The following KDELR3 variants were observed in gnomAD, a reference collection of about 807,000 sequenced individuals.
KDELR3 encodes KDEL endoplasmic reticulum protein retention receptor 3, also known as ER lumen protein-retaining receptor 3.
KDELR3 carries 26 observed loss-of-function variants against 22.7 expected under a neutral mutation model. The observed-to-expected ratio is 1.15, with a 90% CI of 0.84 to 1.59. KDELR3 has a LOEUF of 1.59. Ranked by LOEUF, KDELR3 falls within the 40% of genes most tolerant of loss-of-function variation. KDELR3 has a pLI of 0.00. For missense variants in KDELR3, 289 were observed against 251.1 expected, an observed-to-expected ratio of 1.15 and a Z score of -1.02; for synonymous variants, 120 against 98.2, an observed-to-expected ratio of 1.22 and a Z score of -1.31.
chr22:38,482,047 G>A (rs868045017), intron 4 of KDELR3, among the ~76,000 whole-genome samples: 7 of 152,228 alleles, frequency 4.6e-5, no homozygotes, highest in Admixed American at 6.5e-5. Flanking sequence ...GCCAGGGTAA[G>A]GGGCTTGCAC....
In KDELR3 at chr22:38,474,579, G is replaced by A; in HGVS notation, c.148G>A (p.Asp50Asn). The change falls in exon 2 of 5, where the codon GAC (aspartate) becomes AAC (asparagine). Residue 50 changes from aspartate to asparagine, a missense_variant. Asp to Asn is a conservative substitution (Grantham distance 23, BLOSUM62 1). Transcript: ENST00000216014. ...FALVFTTRYL[D>N]LFTNFISIYN... ...TCTCGTCTTCACCACCAGGTACCTG[G>A]ACCTGTTCACCAACTTCATCTCCAT... is the stretch of plus-strand genomic sequence containing the variant. 1 of 1,614,004 alleles carries A rather than the reference G, an allele frequency of 6.2e-7. No individual in the cohort carries two copies.
chr22:38,473,526 T>C (rs528143046), intron 1 of KDELR3, among the ~76,000 whole-genome samples: 1 of 152,360 alleles, frequency 6.6e-6, no homozygotes, highest in African/African-American at 2.4e-5. Context: ...GTGCATCATA[T>C]GTGTACACAT....
intron 2 of KDELR3, among the ~76,000 whole-genome samples, 176 bp downstream of exon 2, chr22:38,474,799 G>C (rs769640257): frequency 2.6e-5 from 4 of 151,968 alleles, no homozygotes; most frequent in Non-Finnish European, 4.4e-5. Context: ...GTGTCCTCGT[G>C]CAAAAATGAG....
intron 1 of KDELR3, among the ~76,000 whole-genome samples, chr22:38,471,349 G>T (rs907832778): frequency 4.6e-5 from 7 of 152,188 alleles, no homozygotes; most frequent in Admixed American, 3.9e-4. Flanking sequence ...CTCTGTCAAA[G>T]TCTGTGTGAG....
intron 1 of KDELR3, among the ~76,000 whole-genome samples, chr22:38,472,915 G>A (rs1312018817): frequency 1.3e-5 from 2 of 151,918 alleles, no homozygotes; most frequent in Admixed American, 6.6e-5. Context: ...GGTCAGGCTT[G>A]GTCTCAAACT....
chr22:38,468,326 T>G lies in KDELR3; in HGVS notation c.91+2T>G, dbSNP rs1602654939. ...TCTGGAGGTCCAAGTGCTGCAAGGG[T>G]GAGGGGCGCCTGGCAGGGAGGTGCG... is the stretch of plus-strand genomic sequence containing the variant. On this transcript the variant is annotated splice_donor_variant, in intron 1 of 4. Coordinates refer to ENST00000216014, the MANE Select transcript of KDELR3 (RefSeq NM_006855.4). LOFTEE classifies it high-confidence loss of function. The G allele has an allele frequency of 6.2e-7, 1 of 1,613,080 alleles. No individual in the cohort carries two copies.
At position 38,481,379 on chromosome 22, in the gene KDELR3, G is replaced by A. The variant is rs779385767; in HGVS notation, c.519G>A (p.Glu173=). ...ACTGGATCAGGCGGTACCAGACTGA[G>A]AATTTCTATGACCAAATTGCAGTCG... ...LANWIRRYQT[E]NFYDQIAVVS... is the part of the protein sequence containing the mutation. The change falls in exon 4 of 5, where the codon GAG becomes GAA. Residue 173 remains glutamate, a synonymous_variant. Coordinates refer to ENST00000216014, the MANE Select transcript of KDELR3 (RefSeq NM_006855.4). The A allele has an allele frequency of 1.2e-6, 2 of 1,614,198 alleles. No homozygotes were observed. Among genetic ancestry groups the A allele is most frequent in the Non-Finnish European group, 1.7e-6 (2 of 1,180,038 alleles).
At chr22:38,479,236 A>G (rs1285045865) in intron 2 of KDELR3, among the ~76,000 whole-genome samples, 1 of 152,208 alleles carries the variant, frequency 6.6e-6, no homozygotes, top group East Asian at 1.9e-4. Flanking sequence ...TCACTGATGC[A>G]TATCCAGGAA....
At chr22:38,476,784 A>G (rs2089562036) in intron 2 of KDELR3, among the ~76,000 whole-genome samples, 1 of 149,670 alleles carries the variant, frequency 6.7e-6, no homozygotes, top group Admixed American at 6.6e-5. Flanking sequence ...TTGGCCCCCC[A>G]AAGTGTTGGA....
chr22:38,474,692 G>A (rs1284970644), intron 2 of KDELR3, 69 bp downstream of exon 2: 3 of 1,328,106 alleles, frequency 2.3e-6, no homozygotes, highest in Non-Finnish European at 3.2e-6. Flanking sequence ...TAGCCTGCTT[G>A]GAAACTCATT....
In KDELR3 at chr22:38,481,243, C is replaced by CA; in HGVS notation, c.384dup (p.Val129SerfsTer17). 3.1e-6 allele frequency: 5 copies of CA among 1,614,146 alleles called. No individual in the cohort carries two copies. The highest frequency in any genetic ancestry group is 4.2e-6 in the Non-Finnish European group (5 of 1,180,018). On this transcript the variant is annotated frameshift_variant, in exon 4 of 5. Transcript: ENST00000216014. LOFTEE classifies it high-confidence loss of function. ...TGGACTTTCTCTATCTATCTGGAAT[C>CA]AGTGGCTATCCTGCCCCAGCTCTTC...
chr22:38,478,629 A>ATTTGTTTTTTTTTTT (rs2089576808), intron 2 of KDELR3, among the ~76,000 whole-genome samples: 1 of 43,560 alleles, frequency 2.3e-5, no homozygotes, highest in Non-Finnish European at 3.8e-5. Flanking sequence ...AGCATCTGTG[A>ATTTGTTTTTTTTTTT]TTTTTTTTTT....
intron 3 of KDELR3, among the ~76,000 whole-genome samples, chr22:38,480,147 T>A (rs2089589165): frequency 6.6e-6 from 1 of 152,102 alleles, no homozygotes; most frequent in South Asian, 2.1e-4. Context: ...ATGACTAATT[T>A]TTTATTATTT....
chr22:38,481,287 G>A lies in KDELR3; in HGVS notation c.427G>A (p.Glu143Lys), dbSNP rs1247754686. ...GCTCTTCATGATCAGCAAGACTGGA[G>A]AGGCTGAGACCATAACTACTCACTA... Reference protein sequence around the residue: ...PQLFMISKTGEAETITTHYLF... With the variant: ...PQLFMISKTGKAETITTHYLF... Residue 143 changes from glutamate (E) to lysine (K), a missense_variant, in exon 4 of 5, where the codon GAG becomes AAG. Transcript: ENST00000216014. The A allele has an allele frequency of 1.2e-6, 2 of 1,614,202 alleles. No individual in the cohort carries two copies. The highest frequency in any genetic ancestry group is 1.1e-5 in the South Asian group (1 of 91,080).
At chr22:38,472,384 G>A (rs2089530611) in intron 1 of KDELR3, among the ~76,000 whole-genome samples, 1 of 151,998 alleles carries the variant, frequency 6.6e-6, no homozygotes, top group Non-Finnish European at 1.5e-5. Flanking sequence ...GGCTGAGGCA[G>A]GAGAATGACT....
At chr22:38,478,628 G>GTTTT (rs1569133063) in intron 2 of KDELR3, among the ~76,000 whole-genome samples, 1 of 24,142 alleles carries the variant, frequency 4.1e-5, no homozygotes, top group African/African-American at 1.3e-4. Flanking sequence ...CAGCATCTGT[G>GTTTT]ATTTTTTTTT....
intron 1 of KDELR3, among the ~76,000 whole-genome samples, chr22:38,469,922 C>T (rs2089514278): frequency 6.6e-6 from 1 of 152,100 alleles, no homozygotes; most frequent in Non-Finnish European, 1.5e-5. Flanking sequence ...CAGGTTCAAG[C>T]GATTCTCCTG....
chr22:38,476,893 G>GC (rs138427), intron 2 of KDELR3, among the ~76,000 whole-genome samples: 147,171 of 147,198 alleles, frequency 1, 73,572 homozygotes, highest in Middle Eastern at 1. Context: ...TGCAGTCTCT[G>GC]CTCCCGGGTT....
chr22:38,472,762 C>T (rs372569659), intron 1 of KDELR3, among the ~76,000 whole-genome samples: 108 of 152,202 alleles, frequency 7.1e-4, no homozygotes, highest in African/African-American at 2.5e-3. Flanking sequence ...TGCAATGGCA[C>T]GATCTCGGCT....
Sources: allele counts gnomAD v4.1 joint callset (sites outside exome capture counted in the v4.1 genomes callset), GRCh38; gene constraint gnomAD v4.1.1; transcripts MANE v1.5; gene names NCBI Gene and HGNC (gene_info 2026-07-23, HGNC 2026-07-21).